Variants in SLC13A3 observed in about 807,000 individuals in gnomAD.
The protein encoded by SLC13A3 is Na(+)/dicarboxylate cotransporter 3.
Under a neutral mutation model 59.0 loss-of-function variants are expected in SLC13A3, and 40 were observed. That is an observed-to-expected ratio of 0.68 (90% CI 0.53 to 0.88). The LOEUF (loss-of-function observed/expected upper bound fraction) is 0.88, where lower values mean the gene tolerates loss of function less well. SLC13A3 is among the 40% of genes least tolerant of loss of function. The probability of loss-of-function intolerance (pLI) is 0.00; values close to 1 mark genes in which losing one functional copy is unlikely to be tolerated. For missense variants in SLC13A3, 699 were observed against 783.2 expected (o/e 0.89, Z 1.28); for synonymous variants, 317 against 330.3 (o/e 0.96, Z 0.44).
At chr20:46,564,447 T>G (rs986686162) in intron 11 of SLC13A3, among the ~76,000 whole-genome samples, 1 of 152,248 alleles carries the variant, frequency 6.6e-6, no homozygotes, top group South Asian at 2.1e-4. Flanking sequence ...CCCCCTTGCA[T>G]GTAAAATGTT....
chr20:46,635,233 G>A (rs1215894542), intron 1 of SLC13A3, among the ~76,000 whole-genome samples: 12 of 152,132 alleles, frequency 7.9e-5, no homozygotes, highest in Non-Finnish European at 4.4e-5. Context: ...TGGAGATAAA[G>A]GTAATGATTC....
At chr20:46,676,404 C>T (rs2063125698) in intron 1 of SLC13A3, among the ~76,000 whole-genome samples, 1 of 145,484 alleles carries the variant, frequency 6.9e-6, no homozygotes, top group African/African-American at 2.6e-5. Flanking sequence ...CAGCCACTCT[C>T]TCAACTCTTT....
chr20:46,627,105 G>T (rs847072), intron 1 of SLC13A3, among the ~76,000 whole-genome samples: 103,316 of 152,144 alleles, frequency 0.68, 36,616 homozygotes, highest in African/African-American at 0.88. Flanking sequence ...CTGCAGACCA[G>T]GAGCACCATG....
chr20:46,606,434 C>A (rs1353487454), intron 3 of SLC13A3, among the ~76,000 whole-genome samples: 1 of 152,318 alleles, frequency 6.6e-6, no homozygotes, highest in East Asian at 1.9e-4. Context: ...ACATTAAAGA[C>A]CCTTGTGTTG....
chr20:46,607,477 A>G (rs1028978807), intron 3 of SLC13A3, among the ~76,000 whole-genome samples: 2 of 152,196 alleles, frequency 1.3e-5, no homozygotes, highest in African/African-American at 2.4e-5. Flanking sequence ...TTTAGGTCTT[A>G]GAAGCTGATC....
intron 3 of SLC13A3, among the ~76,000 whole-genome samples, chr20:46,600,410 GAAGGAAGGAAGGA>G (rs754795213): frequency 1.4e-3 from 204 of 146,430 alleles, no homozygotes; most frequent in Admixed American, 3.9e-3. Context: ...AAGAAAGGAG[GAAGGAAGGAAGGA>G]AAGGAAGGAA....
intron 9 of SLC13A3, among the ~76,000 whole-genome samples, chr20:46,580,200 C>A (rs1428680171): frequency 6.6e-6 from 1 of 152,156 alleles, no homozygotes; most frequent in Non-Finnish European, 1.5e-5. Flanking sequence ...AGGTGATCCA[C>A]CCACCTAAGC....
chr20:46,584,761 G>A (rs2062174826), intron 8 of SLC13A3, among the ~76,000 whole-genome samples: 1 of 152,142 alleles, frequency 6.6e-6, no homozygotes, highest in East Asian at 1.9e-4. Context: ...CTTTGATCCA[G>A]TTATCCTCCT....
intron 11 of SLC13A3, 104 bp from the exon 12 acceptor site, chr20:46,563,655 A>T: frequency 8.2e-7 from 1 of 1,224,900 alleles, no homozygotes; most frequent in African/African-American, 1.5e-5. Flanking sequence ...AGGGACACAA[A>T]GACGTAGAGA....
intron 5 of SLC13A3, among the ~76,000 whole-genome samples, chr20:46,593,967 A>G (rs1204002856): frequency 6.6e-6 from 1 of 152,078 alleles, no homozygotes; most frequent in Non-Finnish European, 1.5e-5. Context: ...TCATTTTATA[A>G]TCAGAATAAA....
At chr20:46,683,783 G>A (rs2063165256) in intron 1 of SLC13A3, among the ~76,000 whole-genome samples, 1 of 152,090 alleles carries the variant, frequency 6.6e-6, no homozygotes, top group South Asian at 2.1e-4. Flanking sequence ...CTTCTCCACC[G>A]CGTTCCCTGC....
intron 1 of SLC13A3, among the ~76,000 whole-genome samples, chr20:46,634,704 G>C (rs1039045709): frequency 2.6e-5 from 4 of 152,216 alleles, no homozygotes; most frequent in African/African-American, 9.6e-5. Flanking sequence ...GGTTGTGGGG[G>C]TGTGCCCTGG....
chr20:46,646,446 T>C (rs574952467), intron 1 of SLC13A3, among the ~76,000 whole-genome samples: 1 of 152,332 alleles, frequency 6.6e-6, no homozygotes, highest in South Asian at 2.1e-4. Flanking sequence ...CTGTGGCTAT[T>C]GCTCTAATTA....
rs373654867 is a variant in SLC13A3 at position 46,587,144 on chromosome 20, AT to A, written c.1121+914del. ...GCTCCTAACTATTCTCCTCGTCTATATTTTTGCCCCCACTACCCATTTCCTA... is the reference window on the plus strand; with the variant it reads ...GCTCCTAACTATTCTCCTCGTCTATATTTTGCCCCCACTACCCATTTCCTA... On this transcript the variant is annotated intron_variant, in intron 8 of 12. Transcript: ENST00000279027. 6.6e-4 allele frequency among the ~76,000 whole-genome samples: 100 copies of A among 152,270 alleles called. 2 individuals carry two copies. Among genetic ancestry groups the A allele is most frequent in the African/African-American group, 2.2e-3 (92 of 41,544 alleles).
rs188445471 is a variant in SLC13A3, at chr20:46,626,774, C to T, written c.112-13049G>A. Among the ~76,000 whole-genome samples, 425 of 136,660 alleles carry T rather than the reference C, an allele frequency of 3.1e-3. 2 individuals carry two copies. The highest frequency in any genetic ancestry group is 5.1e-3 in the Non-Finnish European group (316 of 61,996). 89.7% of individuals were successfully genotyped at this position (136,660 alleles called of 152,430 possible). On this transcript the variant is annotated intron_variant, in intron 1 of 12. Coordinates refer to ENST00000279027, the MANE Select transcript of SLC13A3 (RefSeq NM_022829.6). ...CTCCCAGGGGACTTGGAGGCAGGGACTAGAGCACTGAGGCCTGTAAAATGC... is the reference window on the plus strand; with the variant it reads ...CTCCCAGGGGACTTGGAGGCAGGGATTAGAGCACTGAGGCCTGTAAAATGC...
At chr20:46,674,588 TGCGC>T (rs549666867), upstream of SLC13A3, among the ~76,000 whole-genome samples, 87 of 136,834 alleles carry the variant, frequency 6.4e-4, no homozygotes, top group African/African-American at 2.4e-3. Context: ...AGGTGGGGAG[TGCGC>T]GCGCGCGCGC....
At chr20:46,598,825 C>T (rs1303131293) in intron 4 of SLC13A3, among the ~76,000 whole-genome samples, 1 of 152,126 alleles carries the variant, frequency 6.6e-6, no homozygotes, top group African/African-American at 2.4e-5. Context: ...TCTCAGACCC[C>T]ACCTCCTACC....
chr20:46,652,431 C>A (rs142108388), upstream of SLC13A3, among the ~76,000 whole-genome samples: 220 of 152,026 alleles, frequency 1.4e-3, 2 homozygotes, highest in African/African-American at 5.0e-3. Context: ...CTCTGTAACC[C>A]AGGCTGGGCT....
At chr20:46,574,070 C>T (rs1242220793) in intron 10 of SLC13A3, among the ~76,000 whole-genome samples, 7 of 152,208 alleles carry the variant, frequency 4.6e-5, no homozygotes, top group Admixed American at 2.6e-4. Flanking sequence ...CAAACGTAGG[C>T]GAGCTATTTA....
Sources: gnomAD v4.1 joint callset for allele counts (sites outside exome capture counted in the v4.1 genomes callset) on GRCh38, gnomAD v4.1.1 for gene constraint, MANE v1.5 for transcripts, NCBI Gene and HGNC (gene_info 2026-07-23, HGNC 2026-07-21) for gene names.